LRMDA: variants seen among roughly 807,000 people sequenced by gnomAD.
LRMDA encodes leucine-rich melanocyte differentiation-associated protein.
Under a neutral mutation model 29.8 loss-of-function variants are expected in LRMDA, and 18 were observed. The observed-to-expected ratio is 0.60, with a 90% confidence interval of 0.42 to 0.90. The LOEUF is 0.90. Among genes scored for constraint, LRMDA ranks in the 40% least tolerant of loss-of-function variants. The probability of loss-of-function intolerance (pLI) is 0.00; values close to 1 mark genes in which losing one functional copy is unlikely to be tolerated. For synonymous variants in LRMDA, 125 were observed against 109.4 expected (o/e 1.14, Z -0.89); for missense variants, 273 against 273.9 (o/e 1.00, Z 0.02).
At chr10:76,001,013 A>AC (rs1238209367) in intron 2 of LRMDA, among the ~76,000 whole-genome samples, 2 of 152,266 alleles carry the variant, frequency 1.3e-5, no homozygotes, top group African/African-American at 2.4e-5. Context: ...CCGGGGAGGC[A>AC]CCCCAAGTCA....
intron 5 of LRMDA, chr10:76,318,991 G>A (rs2758967): frequency 0.61 from 92,479 of 152,094 alleles, 31,817 homozygotes; most frequent in Non-Finnish European, 0.81. Context: ...CTCACTGCAA[G>A]CTCCGCCTCC....
At chr10:75,995,918 C>CA (rs1340327750) in intron 2 of LRMDA, among the ~76,000 whole-genome samples, 3 of 152,114 alleles carry the variant, frequency 2.0e-5, no homozygotes, top group Non-Finnish European at 4.4e-5. Context: ...GAGGATATCT[C>CA]AGGGTTTAAA....
intron 6 of LRMDA, among the ~76,000 whole-genome samples, chr10:76,410,862 C>T (rs1382354416): frequency 3.9e-5 from 6 of 152,070 alleles, no homozygotes; most frequent in Non-Finnish European, 7.4e-5. Context: ...AGGATAATTG[C>T]TTGAACCCTG....
rs563105686 is a variant in LRMDA, at chr10:75,636,289, C to G, written c.131+197795C>G. Reference sequence around the variant, plus strand: ...AGTGGTGTGGCAATTTGACCTTGAACAAATTACCTAGCCACTTTATTTTCT... The same window carrying G: ...AGTGGTGTGGCAATTTGACCTTGAAGAAATTACCTAGCCACTTTATTTTCT... On this transcript the variant is annotated intron_variant, in intron 2 of 6. Coordinates refer to ENST00000611255, the MANE Select transcript of LRMDA (RefSeq NM_001305581.2). 2.0e-4 allele frequency among the ~76,000 whole-genome samples: 31 copies of G among 152,284 alleles called. No individual in the cohort carries two copies. The South Asian group carries it at 6.4e-3, about 32-fold the overall frequency.
At chr10:76,448,016 A>G (rs1421962804) in intron 6 of LRMDA, among the ~76,000 whole-genome samples, 2 of 152,194 alleles carry the variant, frequency 1.3e-5, no homozygotes, top group Non-Finnish European at 2.9e-5. Context: ...TTACAATGTT[A>G]TCTTGACTAG....
At chr10:75,962,551 G>C (rs906420486) in intron 2 of LRMDA, among the ~76,000 whole-genome samples, 44 of 152,256 alleles carry the variant, frequency 2.9e-4, no homozygotes, top group African/African-American at 9.2e-4. Context: ...TCTGAAACAT[G>C]TGTGCACAGG....
chr10:75,522,152 C>T (rs1034906972), intron 2 of LRMDA, among the ~76,000 whole-genome samples: 2 of 152,234 alleles, frequency 1.3e-5, no homozygotes, highest in African/African-American at 4.8e-5. Context: ...ATGCCCTTCA[C>T]ATGTATTAAC....
chr10:75,876,246 T>C (rs1045846188), intron 2 of LRMDA, among the ~76,000 whole-genome samples: 2 of 152,200 alleles, frequency 1.3e-5, no homozygotes, highest in African/African-American at 4.8e-5. Context: ...GGAATCCTTC[T>C]TGGGGAGGCA....
intron 2 of LRMDA, 123 bp from the exon 3 acceptor site, chr10:76,035,885 G>T: frequency 9.3e-6 from 9 of 970,400 alleles, no homozygotes; most frequent in Admixed American, 6.3e-5. Context: ...TCACTTTGCT[G>T]ACAGGCACCA....
At chr10:75,620,069 C>T (rs770259671) in intron 2 of LRMDA, among the ~76,000 whole-genome samples, 1 of 152,162 alleles carries the variant, frequency 6.6e-6, no homozygotes, top group African/African-American at 2.4e-5. Context: ...GAGTCCTGGG[C>T]AAGCACACTG....
At chr10:75,780,764 G>A (rs149060525) in intron 2 of LRMDA, among the ~76,000 whole-genome samples, 32 of 152,228 alleles carry the variant, frequency 2.1e-4, no homozygotes, top group African/African-American at 7.0e-4. Flanking sequence ...AGTCTCCCTG[G>A]CTCCCCTTCC....
intron 6 of LRMDA, among the ~76,000 whole-genome samples, chr10:76,353,826 G>A (rs573089241): frequency 1.3e-5 from 2 of 152,134 alleles, no homozygotes; most frequent in African/African-American, 4.8e-5. Flanking sequence ...TCCAAATTCT[G>A]TTCCATTACT....
chr10:76,459,364 A>G (rs898198927), intron 6 of LRMDA, among the ~76,000 whole-genome samples: 34 of 152,096 alleles, frequency 2.2e-4, no homozygotes, highest in African/African-American at 7.5e-4. Flanking sequence ...TATCCTCCCT[A>G]AAAGGAACTT....
chr10:76,044,567 AT>A (rs1848398014), intron 3 of LRMDA, among the ~76,000 whole-genome samples: 1 of 151,798 alleles, frequency 6.6e-6, no homozygotes, highest in Non-Finnish European at 1.5e-5. Context: ...TATTTAAATA[AT>A]TTTCCTGAAG....
intron 5 of LRMDA, among the ~76,000 whole-genome samples, chr10:76,171,011 G>C (rs1435051752): frequency 6.6e-6 from 1 of 152,168 alleles, no homozygotes; most frequent in African/African-American, 2.4e-5. Context: ...CACAGCACTA[G>C]GTTAATATCT....
Position 75,448,432 on chromosome 10 carries a change from A to G in LRMDA, c.131+9938A>G, listed in dbSNP as rs1480179431. Reference sequence around the variant, plus strand: ...GCATGTGAGTGGTGCTGCCTTCCACATTGTCAGGGTGGCTGTTAGGAGCAG... The same window carrying G: ...GCATGTGAGTGGTGCTGCCTTCCACGTTGTCAGGGTGGCTGTTAGGAGCAG... On this transcript the variant is annotated intron_variant, in intron 2 of 6. Transcript: ENST00000611255. Among the ~76,000 whole-genome samples the G allele has an allele frequency of 3.3e-5, 5 of 152,112 alleles. No individual in the cohort carries two copies. The East Asian group carries it at 9.7e-4, about 29-fold the overall frequency.
chr10:76,131,331 A>C (rs1344891479), intron 5 of LRMDA, among the ~76,000 whole-genome samples: 2 of 152,136 alleles, frequency 1.3e-5, no homozygotes, highest in Admixed American at 6.5e-5. Flanking sequence ...TCTCCCAGGA[A>C]TCTTTCCCTA....
chr10:75,617,732 C>T (rs900509267), intron 2 of LRMDA, among the ~76,000 whole-genome samples: 2 of 152,178 alleles, frequency 1.3e-5, no homozygotes, highest in African/African-American at 4.8e-5. Context: ...CTGGATTGCC[C>T]CATGGGTTCC....
chr10:75,628,063 A>G (rs536705520), intron 2 of LRMDA, among the ~76,000 whole-genome samples: 3 of 152,338 alleles, frequency 2.0e-5, no homozygotes, highest in Non-Finnish European at 2.9e-5. Context: ...CATTGTTGAA[A>G]TTTGGAAAAT....
Sources: allele counts gnomAD v4.1 joint callset (sites outside exome capture counted in the v4.1 genomes callset), GRCh38; gene constraint gnomAD v4.1.1; transcripts MANE v1.5; gene names NCBI Gene and HGNC (gene_info 2026-07-23, HGNC 2026-07-21).